Variants in ERG observed in about 807,000 individuals in gnomAD.
ERG encodes the protein ETS transcription factor ERG.
ERG carries 9 observed loss-of-function variants against 55.3 expected under a neutral mutation model. The ratio of observed to expected loss-of-function variants is 0.16; its 90% CI spans 0.10 to 0.28. The LOEUF is 0.28. Ranked by LOEUF, ERG falls within the 10% of genes least tolerant of loss-of-function variation. The pLI, the probability that ERG is intolerant of heterozygous loss-of-function variation, is 1.00. For missense variants in ERG, 434 were observed against 631.6 expected, an observed-to-expected ratio of 0.69 and a Z score of 3.35; for synonymous variants, 223 against 237.3, an observed-to-expected ratio of 0.94 and a Z score of 0.55.
chr21:38,485,352 CAA>C lies in ERG; in HGVS notation c.18+13009_18+13010del, dbSNP rs1555841360. On this transcript the variant is annotated intron_variant, in intron 1 of 9. Coordinates refer to ENST00000288319, the MANE Select transcript of ERG (RefSeq NM_182918.4). The stretch of plus-strand genomic sequence containing the variant: ...ATTTGTGTTTCAAGCTAAGTGAGTA[CAA>C]AAGAGTCAAAAAGTTTAAAAAATTA... Among the ~76,000 whole-genome samples the C allele has an allele frequency of 1.1e-4, 16 of 150,342 alleles. No individual in the cohort carries two copies. The South Asian group carries it at 2.7e-3, about 26-fold the overall frequency.
At chr21:38,503,191 A>G (rs1002886868), upstream of ERG, among the ~76,000 whole-genome samples, 2 of 152,204 alleles carry the variant, frequency 1.3e-5, no homozygotes, top group Admixed American at 6.5e-5. Flanking sequence ...ATAAACATAA[A>G]TTATATCCTA....
At chr21:38,537,830 G>T (rs1478358568) in intron 2 of ERG, among the ~76,000 whole-genome samples, 2 of 152,128 alleles carry the variant, frequency 1.3e-5, no homozygotes, top group African/African-American at 4.8e-5. Context: ...GCAGGAAATT[G>T]AACTGATATT....
intron 3 of ERG, among the ~76,000 whole-genome samples, chr21:38,412,892 T>G (rs1989124911): frequency 6.6e-6 from 1 of 152,180 alleles, no homozygotes; most frequent in Admixed American, 6.5e-5. Flanking sequence ...CAGCGTAGGT[T>G]GAAGACATGT....
At chr21:38,457,644 A>T (rs973564407) in intron 1 of ERG, among the ~76,000 whole-genome samples, 3 of 152,176 alleles carry the variant, frequency 2.0e-5, no homozygotes, top group Admixed American at 1.3e-4. Context: ...GGATGTTCAC[A>T]TCTATCTTTC....
At chr21:38,609,521 G>A (rs2146925861) in intron 1 of ERG, among the ~76,000 whole-genome samples, 1 of 152,074 alleles carries the variant, frequency 6.6e-6, no homozygotes, top group South Asian at 2.1e-4. Flanking sequence ...AATTATGAAA[G>A]AACTAAACCA....
chr21:38,516,388 T>C (rs973077742), intron 2 of ERG, among the ~76,000 whole-genome samples: 5 of 151,274 alleles, frequency 3.3e-5, no homozygotes, highest in African/African-American at 4.9e-5. Flanking sequence ...GGAAAAAATA[T>C]CTAGGAAAAA....
At chr21:38,628,666 A>T (rs947875016) in intron 1 of ERG, among the ~76,000 whole-genome samples, 1 of 152,150 alleles carries the variant, frequency 6.6e-6, no homozygotes, top group South Asian at 2.1e-4. Context: ...CAGTGAGCAT[A>T]CCACACCTGC....
Position 38,391,031 on chromosome 21 carries a change from T to C in ERG, c.883A>G (p.Ile295Val). The change falls in exon 9 of 10, where the codon ATT becomes GTT. Residue 295 changes from isoleucine to valine, a missense_variant. This residue lies in a region of ERG where 99 missense variants were observed against 145.6 expected (regional missense o/e 0.68). Transcript: ENST00000288319. ...AGGCGGCTACTTGTTGGTCCAAGAA[T>C]CTGATAAGGATCTACAGCAAAAAGA... is the stretch of plus-strand genomic sequence containing the variant. ...DQRPQLDPYQILGPTSSRLAN... is the reference protein window; with the variant it reads ...DQRPQLDPYQVLGPTSSRLAN... 6.2e-7 allele frequency: 1 copy of C among 1,613,574 alleles called. No individual in the cohort carries two copies.
Position 38,418,270 on chromosome 21 carries a change from A to AGTGTGTGTGTGTGTGTGT in ERG, c.388+5122_388+5139dup, listed in dbSNP as rs71184622. Among the ~76,000 whole-genome samples, 307 of 130,422 alleles carry AGTGTGTGTGTGTGTGTGT rather than the reference A, an allele frequency of 2.4e-3. 2 individuals carry two copies. Among genetic ancestry groups the AGTGTGTGTGTGTGTGTGT allele is most frequent in the African/African-American group, 4.9e-3 (183 of 37,664 alleles). The allele number at this position is 130,422 out of a possible 152,430, so 85.6% of individuals were successfully genotyped here. A position where few individuals can be genotyped will look rare whatever the true frequency, so the allele number is the denominator to read the frequency against. On this transcript the variant is annotated intron_variant, in intron 3 of 9. Coordinates refer to ENST00000288319, the MANE Select transcript of ERG (RefSeq NM_182918.4). ...CACACCCAGGTTTGGAACATTTGGAAGTGTGTGTGTGTGTGTGTGTGTGTG... is the reference window on the plus strand; with the variant it reads ...CACACCCAGGTTTGGAACATTTGGAAGTGTGTGTGTGTGTGTGTGTGTGTGTGTGTGTGTGTGTGTGTG...
At chr21:38,494,990 C>T (rs532635845) in intron 1 of ERG, among the ~76,000 whole-genome samples, 1 of 152,370 alleles carries the variant, frequency 6.6e-6, no homozygotes, top group Admixed American at 6.5e-5. Flanking sequence ...ATGACTTATG[C>T]ACAGCAGGGC....
At chr21:38,419,278 GGC>G (rs1989431324) in intron 3 of ERG, among the ~76,000 whole-genome samples, 1 of 152,232 alleles carries the variant, frequency 6.6e-6, no homozygotes, top group South Asian at 2.1e-4. Flanking sequence ...AATGCCTGGT[GGC>G]GCTACTGGTT....
At chr21:38,494,416 A>G (rs900514260) in intron 1 of ERG, among the ~76,000 whole-genome samples, 32 of 152,328 alleles carry the variant, frequency 2.1e-4, no homozygotes, top group African/African-American at 7.5e-4. Flanking sequence ...CTTATGTATC[A>G]GCTGTTAAAC....
upstream of ERG, among the ~76,000 whole-genome samples, chr21:38,589,262 C>T (rs558291012): frequency 7.9e-4 from 121 of 152,348 alleles, no homozygotes; most frequent in Admixed American, 1.5e-3. Context: ...AGGCTCCACT[C>T]CCACCAGCAA....
chr21:38,482,040 T>A (rs989740674), intron 1 of ERG, among the ~76,000 whole-genome samples: 1 of 152,210 alleles, frequency 6.6e-6, no homozygotes, highest in Non-Finnish European at 1.5e-5. Flanking sequence ...GCAAGTGTCA[T>A]GTAGCAAAAT....
intron 1 of ERG, among the ~76,000 whole-genome samples, chr21:38,607,064 C>T (rs2060200729): frequency 6.6e-6 from 1 of 151,952 alleles, no homozygotes; most frequent in African/African-American, 2.4e-5. Context: ...AGATTATCTA[C>T]AAAGGAAACA....
chr21:38,478,538 C>T (rs917494072), intron 1 of ERG, among the ~76,000 whole-genome samples: 1 of 152,068 alleles, frequency 6.6e-6, no homozygotes, highest in Non-Finnish European at 1.5e-5. Context: ...GTGCATTGGA[C>T]GTAGACAAGG....
chr21:38,613,404 GC>G (rs1279675070), intron 1 of ERG, among the ~76,000 whole-genome samples: 3 of 150,640 alleles, frequency 2.0e-5, no homozygotes, highest in Non-Finnish European at 4.4e-5. Flanking sequence ...ACTAAAGCAC[GC>G]CCCCTGACCA....
At chr21:38,606,914 G>A (rs570684746) in intron 1 of ERG, among the ~76,000 whole-genome samples, 8 of 152,118 alleles carry the variant, frequency 5.3e-5, no homozygotes, top group African/African-American at 1.9e-4. Context: ...AGATTTTAGA[G>A]AAAGAAATGA....
downstream of ERG, among the ~76,000 whole-genome samples, chr21:38,379,694 T>C (rs764540477): frequency 1.4e-4 from 21 of 152,168 alleles, no homozygotes; most frequent in Non-Finnish European, 2.5e-4. Flanking sequence ...GTTAGAAAAG[T>C]TTATCTAGTT....
Sources: gnomAD v4.1 joint callset for allele counts (sites outside exome capture counted in the v4.1 genomes callset) on GRCh38, gnomAD v4.1.1 for gene constraint, gnomAD v4.1.1 regional missense constraint, MANE v1.5 for transcripts, NCBI Gene and HGNC (gene_info 2026-07-23, HGNC 2026-07-21) for gene names.